The following PRKN variants were observed in gnomAD, a reference collection of about 807,000 sequenced individuals.
The protein encoded by PRKN is parkin RBR E3 ubiquitin protein ligase.
PRKN carries 56 observed loss-of-function variants against 59.5 expected under a neutral mutation model. The ratio of observed to expected loss-of-function variants is 0.94; its 90% CI spans 0.76 to 1.18. PRKN has a LOEUF of 1.18. PRKN is among the 50% of genes most tolerant of loss of function. The pLI is 0.00. For missense variants in PRKN, 657 were observed against 596.4 expected, an observed-to-expected ratio of 1.10 and a Z score of -1.06; for synonymous variants, 250 against 222.1, an observed-to-expected ratio of 1.13 and a Z score of -1.12.
intron 1 of PRKN, among the ~76,000 whole-genome samples, chr6:162,450,806 C>A (rs1018119361): frequency 1.3e-5 from 2 of 152,064 alleles, no homozygotes; most frequent in African/African-American, 2.4e-5. Context: ...TGGATGGAAT[C>A]CTGGAAAAGA....
At chr6:161,727,485 T>G (rs1787491653) in intron 7 of PRKN, among the ~76,000 whole-genome samples, 1 of 152,214 alleles carries the variant, frequency 6.6e-6, no homozygotes, top group Non-Finnish European at 1.5e-5. Context: ...CAGCCTCAAA[T>G]GAAGAAACTT....
chr6:161,616,911 T>C (rs903292570), intron 7 of PRKN, among the ~76,000 whole-genome samples: 10 of 152,212 alleles, frequency 6.6e-5, no homozygotes, highest in Admixed American at 1.3e-4. Flanking sequence ...TTATAATCAT[T>C]TGGGTATATA....
chr6:162,135,691 G>A (rs1781536683), intron 4 of PRKN, among the ~76,000 whole-genome samples: 1 of 152,022 alleles, frequency 6.6e-6, no homozygotes, highest in African/African-American at 2.4e-5. Context: ...CAGATGAGAG[G>A]GTCTTTGCAA....
intron 7 of PRKN, among the ~76,000 whole-genome samples, chr6:161,597,337 C>T (rs889240822): frequency 5.9e-5 from 9 of 152,200 alleles, no homozygotes. Context: ...GGAAGCTGTG[C>T]TCCATGAATA....
intron 6 of PRKN, among the ~76,000 whole-genome samples, chr6:161,909,407 G>A (rs766247820): frequency 1.3e-5 from 2 of 152,140 alleles, no homozygotes; most frequent in Middle Eastern, 3.4e-3. Context: ...GATAAGAAAT[G>A]TTTTGTGTAA....
intron 4 of PRKN, among the ~76,000 whole-genome samples, chr6:162,095,429 C>G (rs1014418965): frequency 1.3e-5 from 2 of 152,084 alleles, no homozygotes; most frequent in African/African-American, 4.8e-5. Flanking sequence ...TGGTATGCAG[C>G]ACACCATATA....
intron 1 of PRKN, among the ~76,000 whole-genome samples, chr6:162,625,359 AAC>A (rs1170999680): frequency 6.6e-6 from 1 of 152,170 alleles, no homozygotes; most frequent in Non-Finnish European, 1.5e-5. Flanking sequence ...TAGGTTTATA[AAC>A]AGTTTTCATT....
At chr6:162,376,177 A>G (rs1006098994) in intron 2 of PRKN, among the ~76,000 whole-genome samples, 1 of 152,156 alleles carries the variant, frequency 6.6e-6, no homozygotes. Flanking sequence ...TGGAGGAGGC[A>G]GTGACAACAG....
At chr6:161,695,797 C>A (rs1785996538) in intron 7 of PRKN, among the ~76,000 whole-genome samples, 1 of 152,104 alleles carries the variant, frequency 6.6e-6, no homozygotes, top group Non-Finnish European at 1.5e-5. Flanking sequence ...CATGAGAGCA[C>A]AGGACATTTA....
intron 2 of PRKN, among the ~76,000 whole-genome samples, chr6:162,318,853 T>C (rs1782864185): frequency 6.6e-6 from 1 of 152,044 alleles, no homozygotes; most frequent in Admixed American, 6.6e-5. Flanking sequence ...TTCAATGCCA[T>C]TGATCAGCAT....
chr6:162,631,949 C>G (rs1177859561), intron 1 of PRKN, among the ~76,000 whole-genome samples: 1 of 149,266 alleles, frequency 6.7e-6, no homozygotes, highest in African/African-American at 2.5e-5. Context: ...AATAAGATAC[C>G]ATCTTATACC....
At chr6:161,970,131 T>C (rs544228130) in intron 6 of PRKN, among the ~76,000 whole-genome samples, 43 of 152,174 alleles carry the variant, frequency 2.8e-4, no homozygotes, top group African/African-American at 1.0e-3. Context: ...AGCCTTGACC[T>C]CCCAGGCTCA....
Position 161,874,376 on chromosome 6 carries a change from A to T in PRKN, c.735-88468T>A, listed in dbSNP as rs1355283106. On this transcript the variant is annotated intron_variant, in intron 6 of 11. Transcript: ENST00000366898. ...ATATATATTATATGTAAAATATTAT[A>T]TATAAAATATATATTATATGTAAAA... 6.5e-5 allele frequency among the ~76,000 whole-genome samples: 6 copies of T among 92,288 alleles called. No individual in the cohort carries two copies. In the East Asian group the frequency reaches 1.9e-3, roughly 30 times the overall value. The allele number at this position is 92,288 out of a possible 152,430, so 60.5% of individuals were successfully genotyped here.
chr6:161,600,018 C>T (rs1255172571), intron 7 of PRKN, among the ~76,000 whole-genome samples: 1 of 152,182 alleles, frequency 6.6e-6, no homozygotes, highest in Non-Finnish European at 1.5e-5. Flanking sequence ...TCTTCAACCA[C>T]TTCTTTAAAA....
intron 6 of PRKN, among the ~76,000 whole-genome samples, chr6:161,942,604 A>G (rs552657319): frequency 6.6e-6 from 1 of 152,196 alleles, no homozygotes; most frequent in Non-Finnish European, 1.5e-5. Flanking sequence ...TTTTGTTCCA[A>G]TTCAAATACA....
chr6:162,528,017 G>A (rs1778355221), intron 1 of PRKN, among the ~76,000 whole-genome samples: 1 of 140,500 alleles, frequency 7.1e-6, no homozygotes, highest in South Asian at 2.3e-4. Context: ...TCAGGGCCAG[G>A]TGTGGTGGCT....
At chr6:162,110,984 T>C (rs370870707) in intron 4 of PRKN, among the ~76,000 whole-genome samples, 2 of 152,100 alleles carry the variant, frequency 1.3e-5, no homozygotes, top group East Asian at 1.9e-4. Context: ...TGGCAGGAAG[T>C]TGTGGCTGAC....
chr6:162,174,564 T>C (rs577378252), intron 4 of PRKN, among the ~76,000 whole-genome samples: 3 of 152,146 alleles, frequency 2.0e-5, no homozygotes, highest in Non-Finnish European at 2.9e-5. Flanking sequence ...ATTTTAAAGG[T>C]ATCACACATC....
rs1562485761 is a variant in PRKN, at chr6:162,054,130, AC to A, written c.578del (p.Ser193MetfsTer32). On this transcript the variant is annotated frameshift_variant, in exon 5 of 12. Coordinates refer to ENST00000366898, the MANE Select transcript of PRKN (RefSeq NM_004562.3). LOFTEE classifies it high-confidence loss of function. ...GGCAGTGTGGGGATTGGCATTCACC[AC>A]TCATCCGGTTTGGAATTAAAACATC... ...WDDVLIPNRMSGECQSPHCPG... is the reference protein window; with the variant it reads ...WDDVLIPNRMXGECQSPHCPG... 1 of 1,613,646 alleles carries A rather than the reference AC, an allele frequency of 6.2e-7. No homozygotes were observed. Among genetic ancestry groups the A allele is most frequent in the Non-Finnish European group, 8.5e-7 (1 of 1,179,568 alleles).
Sources: allele counts gnomAD v4.1 joint callset (sites outside exome capture counted in the v4.1 genomes callset), GRCh38; gene constraint gnomAD v4.1.1; transcripts MANE v1.5; gene names NCBI Gene and HGNC (gene_info 2026-07-23, HGNC 2026-07-21).